The following ARMC9 variants were observed in gnomAD, a reference collection of about 807,000 sequenced individuals.
ARMC9 encodes the protein armadillo repeat containing 9.
In ARMC9, 94 loss-of-function variants were observed where a neutral mutation model predicts 107.0. The observed-to-expected ratio is 0.88, with a 90% CI of 0.74 to 1.04. The LOEUF is 1.04. Among genes scored for constraint, ARMC9 ranks in the 50% least tolerant of loss-of-function variants. ARMC9 has a pLI of 0.00. For synonymous variants in ARMC9, 380 were observed against 396.9 expected (o/e 0.96, Z 0.51); for missense variants, 942 against 1,030.1 (o/e 0.91, Z 1.17).
chr2:231,292,798 A>T (rs1193607214), intron 18 of ARMC9, among the ~76,000 whole-genome samples: 1 of 152,232 alleles, frequency 6.6e-6, no homozygotes, highest in Admixed American at 6.5e-5. Flanking sequence ...AGTGAGTCTC[A>T]AGAGAGCTGC....
At position 231,362,188 on chromosome 2, in the gene ARMC9, TG is replaced by T. The variant is rs1180806448; in HGVS notation, c.2261+1306del. On this transcript the variant is annotated intron_variant, in intron 23 of 24. Coordinates refer to ENST00000611582, the MANE Select transcript of ARMC9 (RefSeq NM_001352754.2). This position sits in a 1 kb window ranked among gnomAD's most constrained non-coding sequence, Gnocchi z 4.7. ...CTACCTGGGCCTCCTCCCCTCTTTC[TG>T]TGGCTGAAGAGGAGCTTGTCAGCTA... 4.6e-5 allele frequency among the ~76,000 whole-genome samples: 7 copies of T among 152,176 alleles called. No individual in the cohort carries two copies.
chr2:231,300,609 CAGAG>C (rs1222637397), intron 19 of ARMC9, among the ~76,000 whole-genome samples: 2 of 152,104 alleles, frequency 1.3e-5, no homozygotes, highest in Non-Finnish European at 2.9e-5. Context: ...GATGAAGAGA[CAGAG>C]AGAAAATAGG....
In ARMC9 at chr2:231,355,817, C is replaced by T. The variant is rs1459536615; in HGVS notation, c.2014C>T (p.Pro672Ser). ...CTCCAGGGTGGAAGACCAACACACA[C>T]CTCCCCAGACAGCCCAGCACGCCAG... ...GYPVVEDQHT[P>S]PQTAQHARNG... Residue 672 changes from proline (P) to serine (S), a missense_variant, in exon 22 of 25, where the codon CCT becomes TCT. Pro to Ser is a moderately conservative substitution (Grantham distance 74, BLOSUM62 -1). Transcript: ENST00000611582. 4.6e-6 allele frequency: 7 copies of T among 1,535,560 alleles called. No individual in the cohort carries two copies. Among genetic ancestry groups the T allele is most frequent in the African/African-American group, 4.1e-5 (3 of 73,168 alleles).
intron 15 of ARMC9, among the ~76,000 whole-genome samples, chr2:231,277,273 G>A (rs1289902611): frequency 1.3e-5 from 2 of 152,154 alleles, no homozygotes; most frequent in Non-Finnish European, 1.5e-5. Flanking sequence ...GCTGAAGGTA[G>A]TGATTTGAGC....
intron 19 of ARMC9, among the ~76,000 whole-genome samples, chr2:231,304,415 G>C (rs1344471313): frequency 6.6e-6 from 1 of 152,188 alleles, no homozygotes; most frequent in Non-Finnish European, 1.5e-5. Flanking sequence ...GTTTGTTTGA[G>C]ACGAAGTCTC....
chr2:231,277,923 CCAT>C (rs1050413489), intron 15 of ARMC9, among the ~76,000 whole-genome samples: 1 of 152,138 alleles, frequency 6.6e-6, no homozygotes, highest in Non-Finnish European at 1.5e-5. Context: ...ATCATCATCA[CCAT>C]ATTTGCAGTG....
intron 21 of ARMC9, among the ~76,000 whole-genome samples, chr2:231,352,444 C>T (rs1439007943): frequency 1.3e-5 from 2 of 151,978 alleles, no homozygotes; most frequent in African/African-American, 2.4e-5. Flanking sequence ...GGATTACAGG[C>T]GCCTGCCACC....
At chr2:231,299,402 G>T (rs975767594) in intron 19 of ARMC9, among the ~76,000 whole-genome samples, 1 of 152,192 alleles carries the variant, frequency 6.6e-6, no homozygotes, top group Non-Finnish European at 1.5e-5. Flanking sequence ...TGCAAGGGGG[G>T]AATAGGAATA....
chr2:231,324,252 T>C (rs1233643281), intron 19 of ARMC9, among the ~76,000 whole-genome samples: 4 of 146,048 alleles, frequency 2.7e-5, no homozygotes, highest in East Asian at 4.2e-4. Context: ...CTCAGCCTCC[T>C]GAGTAGCTGG....
chr2:231,255,608 G>C lies in ARMC9; in HGVS notation c.880-978G>C, dbSNP rs2125402202. ...TACTCCGTAGGCAGAGCAGCCTCTA[G>C]AGTTTTTCTTGGAGTGGTGTAACAT... is the stretch of plus-strand genomic sequence containing the variant. On this transcript the variant is annotated intron_variant, in intron 9 of 24. Transcript: ENST00000611582. The surrounding 1 kb of genome is among the most constrained non-coding windows in gnomAD (Gnocchi z 4.7). 6.6e-6 allele frequency among the ~76,000 whole-genome samples: 1 copy of C among 152,226 alleles called. No individual in the cohort carries two copies. The highest frequency in any genetic ancestry group is 3.4e-3 in the Middle Eastern group (1 of 294).
At chr2:231,300,816 G>GTGGT (rs2041675346) in intron 19 of ARMC9, among the ~76,000 whole-genome samples, 1 of 152,162 alleles carries the variant, frequency 6.6e-6, no homozygotes, top group Non-Finnish European at 1.5e-5. Flanking sequence ...GATAGACACA[G>GTGGT]GAAGTGCCAC....
intron 19 of ARMC9, among the ~76,000 whole-genome samples, chr2:231,301,889 G>A (rs1286543660): frequency 6.6e-6 from 1 of 151,980 alleles, no homozygotes; most frequent in Admixed American, 6.6e-5. Context: ...TGAGGCGCAA[G>A]AATCATTTGA....
chr2:231,351,351 C>T (rs560800326), intron 21 of ARMC9, among the ~76,000 whole-genome samples: 3 of 152,142 alleles, frequency 2.0e-5, no homozygotes, highest in South Asian at 4.2e-4. Flanking sequence ...CACTCAGCTT[C>T]GCATTCCCCA....
chr2:231,235,118 C>A (rs978275406), intron 7 of ARMC9, 106 bp from the exon 8 acceptor site: 2 of 1,259,102 alleles, frequency 1.6e-6, no homozygotes, highest in Non-Finnish European at 2.1e-6. Context: ...TTTATTGTTA[C>A]AAGAAAACAT....
intron 22 of ARMC9, among the ~76,000 whole-genome samples, chr2:231,356,835 C>T (rs1190732410): frequency 1.3e-5 from 2 of 152,122 alleles, no homozygotes; most frequent in Non-Finnish European, 2.9e-5. Context: ...TTTCTGCTGC[C>T]AGGGTGGAGG....
chr2:231,271,295 C>T (rs1482058571), intron 13 of ARMC9, among the ~76,000 whole-genome samples: 1 of 152,078 alleles, frequency 6.6e-6, no homozygotes, highest in African/African-American at 2.4e-5. Flanking sequence ...TGTAAACCTC[C>T]CGGTTTTATT....
intron 17 of ARMC9, 127 bp downstream of exon 17, chr2:231,282,260 T>C (rs1574937806): frequency 2.2e-6 from 2 of 921,150 alleles, no homozygotes; most frequent in East Asian, 2.5e-5. Context: ...CTTGAAATTG[T>C]ATGTAAAATG....
At chr2:231,345,522 T>C (rs769016894) in intron 21 of ARMC9, among the ~76,000 whole-genome samples, 4 of 152,196 alleles carry the variant, frequency 2.6e-5, no homozygotes, top group Non-Finnish European at 5.9e-5. Context: ...TGGATGCTGT[T>C]TTAGCTGCCG....
rs2046204928 is a variant in ARMC9 at position 231,376,566 on chromosome 2, G to A, written c.*5031G>A. On this transcript the variant is annotated 3_prime_UTR_variant, in exon 25 of 25. Coordinates refer to ENST00000611582, the MANE Select transcript of ARMC9 (RefSeq NM_001352754.2). ...GTCAGACCGGTTGCTCTCAAACCCT[G>A]TCTCCTGATAAGATGTTATCAATGA... 1.3e-5 allele frequency among the ~76,000 whole-genome samples: 2 copies of A among 152,150 alleles called. No homozygotes were observed. Among genetic ancestry groups the A allele is most frequent in the Non-Finnish European group, 2.9e-5 (2 of 68,032 alleles).
Sources: gnomAD v4.1 joint callset for allele counts (sites outside exome capture counted in the v4.1 genomes callset) on GRCh38, gnomAD v4.1.1 for gene constraint, Gnocchi (gnomAD v3.1) non-coding constraint, MANE v1.5 for transcripts, NCBI Gene and HGNC (gene_info 2026-07-23, HGNC 2026-07-21) for gene names.